Variants in STX8 observed in about 807,000 individuals in gnomAD.
The protein encoded by STX8 is syntaxin-8.
In STX8, 23 loss-of-function variants were observed where a neutral mutation model predicts 37.5. The ratio of observed to expected loss-of-function variants is 0.61; its 90% CI spans 0.44 to 0.87. STX8 has a LOEUF of 0.87. Ranked by LOEUF, STX8 falls within the 40% of genes least tolerant of loss-of-function variation. The pLI is 0.00. For missense variants in STX8, 313 were observed against 284.7 expected, an observed-to-expected ratio of 1.10 and a Z score of -0.71; for synonymous variants, 115 against 99.1, an observed-to-expected ratio of 1.16 and a Z score of -0.95.
chr17:9,255,384 G>A (rs546767811), intron 7 of STX8, among the ~76,000 whole-genome samples: 2 of 152,074 alleles, frequency 1.3e-5, no homozygotes, highest in African/African-American at 4.8e-5. Flanking sequence ...AAAATTAACC[G>A]GGCATGGTGG....
chr17:9,379,062 T>C (rs149740546), intron 6 of STX8, among the ~76,000 whole-genome samples: 1,907 of 152,044 alleles, frequency 0.013, 44 homozygotes, highest in African/African-American at 0.043. Flanking sequence ...CTGGCCAACA[T>C]AGTGAAACCT....
intron 6 of STX8, among the ~76,000 whole-genome samples, chr17:9,441,563 C>T (rs1197201059): frequency 6.6e-6 from 1 of 151,914 alleles, no homozygotes; most frequent in African/African-American, 2.4e-5. Context: ...TGATCGTCCT[C>T]ATTCTTTTCT....
intron 7 of STX8, among the ~76,000 whole-genome samples, chr17:9,303,997 G>GT (rs1023892294): frequency 7.0e-6 from 1 of 142,224 alleles, no homozygotes; most frequent in African/African-American, 2.9e-5. Context: ...CATAAGCAAT[G>GT]TCAAAGGCCA....
intron 4 of STX8, among the ~76,000 whole-genome samples, chr17:9,526,145 A>C (rs915571649): frequency 1.3e-5 from 2 of 148,232 alleles, no homozygotes; most frequent in African/African-American, 5.0e-5. Flanking sequence ...CCTGAAAGGG[A>C]ATCATGGTAA....
chr17:9,284,798 C>G (rs886273018), intron 7 of STX8, among the ~76,000 whole-genome samples: 3 of 152,198 alleles, frequency 2.0e-5, no homozygotes, highest in African/African-American at 7.2e-5. Flanking sequence ...AGAAATATCA[C>G]AGGTAAATGG....
intron 7 of STX8, among the ~76,000 whole-genome samples, chr17:9,309,222 G>C (rs796675666): frequency 6.6e-6 from 1 of 152,016 alleles, no homozygotes; most frequent in Non-Finnish European, 1.5e-5. Flanking sequence ...ATATTGTAAC[G>C]GAAAATATCT....
intron 6 of STX8, among the ~76,000 whole-genome samples, chr17:9,473,593 C>T (rs982602642): frequency 2.0e-5 from 3 of 152,064 alleles, no homozygotes; most frequent in Admixed American, 6.6e-5. Context: ...AGATGTTACG[C>T]TATATGGTTT....
chr17:9,479,449 G>C (rs189917262), intron 6 of STX8, among the ~76,000 whole-genome samples: 1 of 151,540 alleles, frequency 6.6e-6, no homozygotes, highest in Non-Finnish European at 1.5e-5. Context: ...TAGGAGAATC[G>C]CTTGAACCCA....
At chr17:9,494,711 G>A (rs1454080288) in intron 5 of STX8, among the ~76,000 whole-genome samples, 1 of 146,982 alleles carries the variant, frequency 6.8e-6, no homozygotes, top group Non-Finnish European at 1.5e-5. Flanking sequence ...GAAACTTTTT[G>A]CAAATTTAAA....
chr17:9,547,259 AAAAAAAAG>A (rs1906570196), intron 3 of STX8: 1 of 150,294 alleles, frequency 6.7e-6, no homozygotes, highest in African/African-American at 2.5e-5. Context: ...AAAAAAAAAA[AAAAAAAAG>A]AAAAAAGAAA....
At chr17:9,355,635 G>A (rs1255732137) in intron 7 of STX8, among the ~76,000 whole-genome samples, 5 of 151,106 alleles carry the variant, frequency 3.3e-5, no homozygotes, top group Non-Finnish European at 7.4e-5. Context: ...CTCGCCTCCC[G>A]AGTAGCTGGG....
chr17:9,279,190 T>C (rs1183284609), intron 7 of STX8, among the ~76,000 whole-genome samples: 2 of 152,032 alleles, frequency 1.3e-5, no homozygotes, highest in Non-Finnish European at 2.9e-5. Context: ...CCCAAGTATT[T>C]GGGATTACAG....
At chr17:9,469,748 G>T (rs987555764) in intron 6 of STX8, 1 of 152,016 alleles carries the variant, frequency 6.6e-6, no homozygotes, top group Non-Finnish European at 1.5e-5. Flanking sequence ...TCACCTTATC[G>T]TCACCCCTAG....
At chr17:9,356,663 C>A (rs951741753) in intron 7 of STX8, among the ~76,000 whole-genome samples, 3 of 152,212 alleles carry the variant, frequency 2.0e-5, no homozygotes, top group Non-Finnish European at 4.4e-5. Flanking sequence ...CTTTCCCCAT[C>A]TGCTTCTGGC....
intron 4 of STX8, among the ~76,000 whole-genome samples, chr17:9,537,862 C>A (rs1433445646): frequency 1.3e-5 from 2 of 152,150 alleles, no homozygotes; most frequent in Admixed American, 6.6e-5. Context: ...AAAATACAAT[C>A]TATTTTTTTG....
chr17:9,341,011 A>C (rs950197875), intron 7 of STX8, among the ~76,000 whole-genome samples: 1 of 144,362 alleles, frequency 6.9e-6, no homozygotes, highest in Admixed American at 6.9e-5. Context: ...TATATATATA[A>C]ATATATATTA....
At chr17:9,459,512 TG>T (rs367886040) in intron 6 of STX8, among the ~76,000 whole-genome samples, 1 of 152,284 alleles carries the variant, frequency 6.6e-6, no homozygotes, top group East Asian at 1.9e-4. Flanking sequence ...AGGAAGCAAA[TG>T]GGAAATACAC....
intron 6 of STX8, among the ~76,000 whole-genome samples, chr17:9,387,636 G>A (rs766888401): frequency 3.9e-5 from 6 of 152,292 alleles, no homozygotes; most frequent in Non-Finnish European, 8.8e-5. Flanking sequence ...TCTCTATCAA[G>A]ACAGTCCACA....
chr17:9,319,342 C>G (rs1236646126), intron 7 of STX8, among the ~76,000 whole-genome samples: 2 of 152,098 alleles, frequency 1.3e-5, no homozygotes, highest in Non-Finnish European at 2.9e-5. Flanking sequence ...TGGCGTGAAC[C>G]TGGGAGGCAG....
Sources: allele counts gnomAD v4.1 joint callset (sites outside exome capture counted in the v4.1 genomes callset), GRCh38; gene constraint gnomAD v4.1.1; transcripts MANE v1.5; gene names NCBI Gene and HGNC (gene_info 2026-07-23, HGNC 2026-07-21).